The following SH3GL2 variants were observed in gnomAD, a reference collection of about 807,000 sequenced individuals.
SH3GL2 encodes the protein SH3 domain containing GRB2 like 2, endophilin A1.
A neutral mutation model predicts 46.0 loss-of-function variants in SH3GL2; 24 were observed. That is an observed-to-expected ratio of 0.52 (90% CI 0.38 to 0.73). SH3GL2 has a LOEUF of 0.73. SH3GL2 is among the 30% of genes least tolerant of loss of function. The probability of loss-of-function intolerance (pLI) is 0.00; values close to 1 mark genes in which losing one functional copy is unlikely to be tolerated. For missense variants in SH3GL2, 413 were observed against 424.2 expected (o/e 0.97, Z 0.23); for synonymous variants, 196 against 147.1 (o/e 1.33, Z -2.40).
intron 2 of SH3GL2, chr9:17,755,690 G>A: frequency 2.9e-6 from 2 of 691,558 alleles, no homozygotes; most frequent in Non-Finnish European, 3.6e-6. Context: ...CTTTTGCTCT[G>A]CTACAGCATC....
intron 1 of SH3GL2, chr9:17,630,327 A>G (rs1819391029): frequency 6.6e-6 from 1 of 152,208 alleles, no homozygotes; most frequent in Middle Eastern, 3.2e-3. Context: ...ACAAATTGCT[A>G]ACATACTGCC....
At chr9:17,758,575 A>AAAAAAAAAAAAAAAAAAAAC (rs1823075159) in intron 2 of SH3GL2, among the ~76,000 whole-genome samples, 1 of 129,352 alleles carries the variant, frequency 7.7e-6, no homozygotes, top group Non-Finnish European at 1.6e-5. Flanking sequence ...AAAAAAAAAA[A>AAAAAAAAAAAAAAAAAAAAC]AAAAAAAAAA....
At chr9:17,640,586 A>C (rs182796483) in intron 1 of SH3GL2, among the ~76,000 whole-genome samples, 1 of 152,272 alleles carries the variant, frequency 6.6e-6, no homozygotes, top group Admixed American at 6.5e-5. Context: ...GCCCACCTGC[A>C]AGGCTGTTGT....
intron 1 of SH3GL2, among the ~76,000 whole-genome samples, chr9:17,654,404 A>G (rs780208767): frequency 6.6e-6 from 1 of 152,184 alleles, no homozygotes; most frequent in South Asian, 2.1e-4. Flanking sequence ...AGATTTGTTA[A>G]TGAAATAAAT....
chr9:17,706,835 T>C (rs1196579651), intron 1 of SH3GL2, among the ~76,000 whole-genome samples: 1 of 152,018 alleles, frequency 6.6e-6, no homozygotes, highest in Non-Finnish European at 1.5e-5. Flanking sequence ...TGGAATCCTC[T>C]TCTCACGTAG....
chr9:17,614,643 G>C (rs1167099771), intron 1 of SH3GL2, among the ~76,000 whole-genome samples: 1 of 152,264 alleles, frequency 6.6e-6, no homozygotes, highest in East Asian at 1.9e-4. Flanking sequence ...TGACAACCTT[G>C]TGAGCTGTAT....
chr9:17,781,331 T>G (rs1823801811), intron 3 of SH3GL2, among the ~76,000 whole-genome samples: 1 of 125,540 alleles, frequency 8.0e-6, no homozygotes, highest in South Asian at 3.0e-4. Context: ...TGGGGTTGTT[T>G]GTTTTTTTCT....
intron 1 of SH3GL2, among the ~76,000 whole-genome samples, chr9:17,688,597 A>G (rs1017630346): frequency 2.6e-5 from 4 of 152,004 alleles, no homozygotes; most frequent in African/African-American, 9.7e-5. Flanking sequence ...GGGGGCAGGA[A>G]GCATGCAAGA....
chr9:17,654,150 A>G (rs573947814), intron 1 of SH3GL2, among the ~76,000 whole-genome samples: 96 of 152,242 alleles, frequency 6.3e-4, no homozygotes, highest in African/African-American at 2.0e-3. Flanking sequence ...CATCTTTCCC[A>G]GTTGGAAGAA....
intron 1 of SH3GL2, among the ~76,000 whole-genome samples, chr9:17,727,864 CT>C (rs1254100129): frequency 2.0e-5 from 3 of 151,976 alleles, no homozygotes; most frequent in Non-Finnish European, 2.9e-5. Context: ...CCTCTGTTTG[CT>C]GGAACCATCA....
intron 3 of SH3GL2, among the ~76,000 whole-genome samples, chr9:17,771,800 G>C (rs1179423325): frequency 6.6e-6 from 1 of 152,134 alleles, no homozygotes; most frequent in East Asian, 1.9e-4. Context: ...TGAGGCATAA[G>C]AGAGCTTTGT....
chr9:17,758,665 T>TAATGAAATAAA (rs1278977759), intron 2 of SH3GL2, among the ~76,000 whole-genome samples: 1 of 146,178 alleles, frequency 6.8e-6, no homozygotes, highest in African/African-American at 2.5e-5. Context: ...TAATTCCTGA[T>TAATGAAATAAA]AATGAAATAA....
At chr9:17,739,211 C>T (rs898305740) in intron 1 of SH3GL2, among the ~76,000 whole-genome samples, 6 of 152,072 alleles carry the variant, frequency 3.9e-5, no homozygotes, top group Non-Finnish European at 8.8e-5. Flanking sequence ...GATTGACTTG[C>T]TTTGGCCTTG....
chr9:17,704,175 C>T (rs980392070), intron 1 of SH3GL2, among the ~76,000 whole-genome samples: 3 of 151,210 alleles, frequency 2.0e-5, no homozygotes, highest in Admixed American at 1.3e-4. Context: ...AAACCAAGAA[C>T]ACACTCCCAT....
At chr9:17,748,606 G>A (rs1822758109) in intron 2 of SH3GL2, among the ~76,000 whole-genome samples, 1 of 151,976 alleles carries the variant, frequency 6.6e-6, no homozygotes, top group African/African-American at 2.4e-5. Context: ...TGTCTTTTTA[G>A]TTTTTCTCTT....
chr9:17,788,426 C>T (rs1254925864), intron 5 of SH3GL2, among the ~76,000 whole-genome samples: 2 of 152,052 alleles, frequency 1.3e-5, no homozygotes, highest in Non-Finnish European at 2.9e-5. Context: ...ATTATTCTTC[C>T]TCCTTTCCTT....
At chr9:17,698,425 C>G (rs1821262376) in intron 1 of SH3GL2, among the ~76,000 whole-genome samples, 1 of 152,162 alleles carries the variant, frequency 6.6e-6, no homozygotes, top group Non-Finnish European at 1.5e-5. Flanking sequence ...ATCTCGGTAT[C>G]TGGCATGTTA....
rs73414652 is a variant in SH3GL2, at chr9:17,749,438, A to G, written c.114+2304A>G. 2.8e-3 allele frequency among the ~76,000 whole-genome samples: 431 copies of G among 152,030 alleles called. 1 individual carries two copies. The highest frequency in any genetic ancestry group is 9.9e-3 in the African/African-American group (409 of 41,482). ...TTGCTTGATCCCTCCTTGTACTTTG[A>G]TGCTCCTCCTTCCCCCTCACCCCTG... is the stretch of plus-strand genomic sequence containing the variant. On this transcript the variant is annotated intron_variant, in intron 2 of 8. Transcript: ENST00000380607.
chr9:17,716,926 A>G (rs1310749799), intron 1 of SH3GL2, among the ~76,000 whole-genome samples: 1 of 152,078 alleles, frequency 6.6e-6, no homozygotes, highest in Admixed American at 6.6e-5. Context: ...TGTTTCTTAT[A>G]TAGATAGATT....
Sources: gnomAD v4.1 joint callset for allele counts (sites outside exome capture counted in the v4.1 genomes callset) on GRCh38, gnomAD v4.1.1 for gene constraint, MANE v1.5 for transcripts, NCBI Gene and HGNC (gene_info 2026-07-23, HGNC 2026-07-21) for gene names.